PAX1: variants seen among roughly 807,000 people sequenced by gnomAD.
PAX1 encodes paired box protein Pax-1.
Under a neutral mutation model 35.6 loss-of-function variants are expected in PAX1, and 18 were observed. The observed-to-expected ratio is 0.50, with a 90% CI of 0.35 to 0.75. PAX1 has a LOEUF of 0.75. Ranked by LOEUF, PAX1 falls within the 30% of genes least tolerant of loss-of-function variation. PAX1 has a pLI of 0.01. For missense variants in PAX1, 760 were observed against 661.5 expected, an observed-to-expected ratio of 1.15 and a Z score of -1.63; for synonymous variants, 397 against 305.2, an observed-to-expected ratio of 1.30 and a Z score of -3.14.
intron 4 of PAX1, among the ~76,000 whole-genome samples, chr20:21,713,491 GA>G (rs984539293): frequency 5.3e-5 from 8 of 151,016 alleles, no homozygotes; most frequent in South Asian, 2.1e-4. Context: ...AGCTGCAGGA[GA>G]AAAAAAAATC....
At chr20:21,708,386 A>T in intron 2 of PAX1, 172 bp from the exon 3 acceptor site, 1 of 810,466 alleles carries the variant, frequency 1.2e-6, no homozygotes, top group Non-Finnish European at 2.2e-6. Flanking sequence ...CCTCCGCCCC[A>T]CCCGGAGTGG....
chr20:21,714,535 A>G lies in PAX1; in HGVS notation c.1347A>G (p.Gly449=), dbSNP rs1282934030. 6.3e-7 allele frequency: 1 copy of G among 1,596,596 alleles called. No homozygotes were observed. Among genetic ancestry groups the G allele is most frequent in the Admixed American group, 1.7e-5 (1 of 58,308 alleles). ...CGGACGCCCTCAGTAGCTTACACGGACTGCCCATCCCGGCCTCGACCTCCT... is the reference window on the plus strand; with the variant it reads ...CGGACGCCCTCAGTAGCTTACACGGGCTGCCCATCCCGGCCTCGACCTCCT... ...KAPDALSSLH[G]LPIPASTS Residue 449 remains glycine (G), a synonymous_variant, in exon 5 of 5, where the codon GGA becomes GGG. Coordinates refer to ENST00000613128, the MANE Select transcript of PAX1 (RefSeq NM_001257096.2).
chr20:21,705,705 C>A lies in PAX1; in HGVS notation c.-8C>A. The A allele has an allele frequency of 8.0e-7, 1 of 1,242,830 alleles. No homozygotes were observed. The highest frequency in any genetic ancestry group is 1.0e-6 in the Non-Finnish European group (1 of 985,584). The allele number at this position is 1,242,830 out of a possible 1,614,324, so 77.0% of individuals were successfully genotyped here. A position where few individuals can be genotyped will look rare whatever the true frequency, so the allele number is the denominator to read the frequency against. On this transcript the variant is annotated 5_prime_UTR_variant, in exon 1 of 5. Coordinates refer to ENST00000613128, the MANE Select transcript of PAX1 (RefSeq NM_001257096.2). ...AGCCTCCCGGTCAGACGAATTTCTC[C>A]CAATCGGATGAAGTTCACCCTGGGC... is the stretch of plus-strand genomic sequence containing the variant.
intron 3 of PAX1, 99 bp from the exon 4 acceptor site, chr20:21,709,123 T>TG: frequency 1.1e-6 from 1 of 931,016 alleles, no homozygotes; most frequent in Non-Finnish European, 1.8e-6. Context: ...GCACAGGACG[T>TG]GGGGGAGCGA....
At chr20:21,708,056 G>A (rs1985073577) in intron 2 of PAX1, among the ~76,000 whole-genome samples, 1 of 152,212 alleles carries the variant, frequency 6.6e-6, no homozygotes, top group Admixed American at 6.5e-5. Context: ...ACAAGGGCCC[G>A]GGGAGCAGCT....
intron 2 of PAX1, among the ~76,000 whole-genome samples, chr20:21,707,769 G>A (rs1273020029): frequency 6.6e-6 from 1 of 152,148 alleles, no homozygotes; most frequent in East Asian, 1.9e-4. Flanking sequence ...GCCAGCAGCT[G>A]GCCAGGGGAT....
chr20:21,707,914 C>T (rs1383087327), intron 2 of PAX1, among the ~76,000 whole-genome samples: 1 of 152,198 alleles, frequency 6.6e-6, no homozygotes, highest in African/African-American at 2.4e-5. Flanking sequence ...TGTGGCCCTG[C>T]TCTGGCTTTG....
chr20:21,707,195 G>A (rs1985048087), intron 2 of PAX1, 128 bp downstream of exon 2: 4 of 1,139,730 alleles, frequency 3.5e-6, no homozygotes, highest in Non-Finnish European at 5.1e-6. Flanking sequence ...GCTCCACACT[G>A]GCCAGGGAGG....
At position 21,714,903 on chromosome 20, in the gene PAX1, G is replaced by T. The variant is rs556052868; in HGVS notation, c.*341G>T. The T allele has an allele frequency of 7.9e-5, 73 of 928,742 alleles. No individual in the cohort carries two copies. The South Asian group carries it at 9.9e-4, about 13-fold the overall frequency. The allele number at this position is 928,742 out of a possible 1,614,324, so 57.5% of individuals were successfully genotyped here. A position where few individuals can be genotyped will look rare whatever the true frequency, so the allele number is the denominator to read the frequency against. ...TCACTCCCTTGTCCGTCTCCGTCTCGCCTCTCTCCCTGTTTCCTTCCCCCC... is the reference window on the plus strand; with the variant it reads ...TCACTCCCTTGTCCGTCTCCGTCTCTCCTCTCTCCCTGTTTCCTTCCCCCC... On this transcript the variant is annotated 3_prime_UTR_variant, in exon 5 of 5. Coordinates refer to ENST00000613128, the MANE Select transcript of PAX1 (RefSeq NM_001257096.2).
rs748281816 is a variant in PAX1, at chr20:21,705,878, C to T, written c.166C>T (p.Leu56Phe). The T allele has an allele frequency of 1.4e-6, 2 of 1,396,770 alleles. No homozygotes were observed. Among genetic ancestry groups the T allele is most frequent in the South Asian group, 3.0e-5 (2 of 65,920 alleles). The allele number at this position is 1,396,770 out of a possible 1,614,324, so 86.5% of individuals were successfully genotyped here. Residue 56 changes from leucine to phenylalanine, a missense_variant, in exon 1 of 5, where the codon CTC becomes TTC. Coordinates refer to ENST00000613128, the MANE Select transcript of PAX1 (RefSeq NM_001257096.2). The part of the protein sequence containing the change: ...GRRGSRLSGA[L>F]PLCLSRGGGG... ...CCGCGGCTCTCGGCTCTCGGGCGCC[C>T]TCCCTCTATGCCTCTCACGCGGCGG...
At position 21,707,028 on chromosome 20, in the gene PAX1, A is replaced by T. The variant is rs1350830008; in HGVS notation, c.877A>T (p.Ser293Cys). The change falls in exon 2 of 5, where the codon AGC (serine) becomes TGC (cysteine). Residue 293 changes from serine to cysteine, a missense_variant. Coordinates refer to ENST00000613128, the MANE Select transcript of PAX1 (RefSeq NM_001257096.2). ...CTCATGGCCCTCGGCACACTCGGTC[A>T]GCAACATCCTGGGCATCCGGACGTT... ...PRSWPSAHSV[S>C]NILGIRTFME... 2.5e-6 allele frequency: 4 copies of T among 1,612,958 alleles called. No homozygotes were observed. The highest frequency in any genetic ancestry group is 3.4e-6 in the Non-Finnish European group (4 of 1,180,014).
intron 3 of PAX1, 49 bp downstream of exon 3, chr20:21,708,749 G>A (rs1357794091): frequency 2.5e-6 from 4 of 1,590,490 alleles, no homozygotes; most frequent in Admixed American, 1.7e-5. Flanking sequence ...GAAGCAGAAG[G>A]TTTGGGCAAG....
chr20:21,709,308 G>T lies in PAX1; in HGVS notation c.1146G>T (p.Pro382=). 3 of 1,602,016 alleles carry T rather than the reference G, an allele frequency of 1.9e-6. No individual in the cohort carries two copies. Among genetic ancestry groups the T allele is most frequent in the Non-Finnish European group, 8.5e-7 (1 of 1,178,676 alleles). ...ASNQHGVYSA[P]GGGYLAPGPP... is the part of the protein sequence containing the mutation. Reference sequence around the variant, plus strand: ...ACCAGCACGGCGTGTACAGCGCCCCGGGCGGCGGCTACCTCGCCCCGGGCC... The same window carrying T: ...ACCAGCACGGCGTGTACAGCGCCCCTGGCGGCGGCTACCTCGCCCCGGGCC... Residue 382 remains proline, a synonymous_variant, in exon 4 of 5, where the codon CCG becomes CCT. Transcript: ENST00000613128.
intron 2 of PAX1, 57 bp downstream of exon 2, chr20:21,707,124 G>A (rs1985044934): frequency 1.9e-6 from 3 of 1,605,342 alleles, no homozygotes; most frequent in Non-Finnish European, 1.7e-6. Flanking sequence ...GGGGCGGGCA[G>A]GCTTGCAGGA....
Position 21,713,378 on chromosome 20 carries a change from T to TGTGTGTGTGTGTGTG in PAX1, c.1283-1093_1283-1092insGTGTGTGTGTGTGTG, listed in dbSNP as rs770998874. 2.7e-3 allele frequency among the ~76,000 whole-genome samples: 372 copies of TGTGTGTGTGTGTGTG among 138,044 alleles called. 1 individual carries two copies. The highest frequency in any genetic ancestry group is 9.9e-3 in the African/African-American group (357 of 36,034). 90.6% of individuals were successfully genotyped at this position (138,044 alleles called of 152,430 possible). A position where few individuals can be genotyped will look rare whatever the true frequency, so the allele number is the denominator to read the frequency against. On this transcript the variant is annotated intron_variant, in intron 4 of 4. Coordinates refer to ENST00000613128, the MANE Select transcript of PAX1 (RefSeq NM_001257096.2). The stretch of plus-strand genomic sequence containing the variant: ...TCAACGAAACCGTGTGTTTTCTTTT[T>TGTGTGTGTGTGTGTG]TTTTTGTGTGTGTGTGTGTGTGTGT...
At position 21,714,766 on chromosome 20, in the gene PAX1, G is replaced by A. The variant is rs748872583; in HGVS notation, c.*204G>A. 42 of 1,601,414 alleles carry A rather than the reference G, an allele frequency of 2.6e-5. No homozygotes were observed. The highest frequency in any genetic ancestry group is 2.0e-4 in the East Asian group (9 of 44,840). On this transcript the variant is annotated 3_prime_UTR_variant, in exon 5 of 5. Coordinates refer to ENST00000613128, the MANE Select transcript of PAX1 (RefSeq NM_001257096.2). ...CCGGACCCACCACACTTCCTTTATTGGTCTGGGTTTTTAGGCTTCTCTGAA... is the reference window on the plus strand; with the variant it reads ...CCGGACCCACCACACTTCCTTTATTAGTCTGGGTTTTTAGGCTTCTCTGAA...
chr20:21,716,721 G>A lies in PAX1; in HGVS notation c.*2159G>A, dbSNP rs1194585500. 1 of 152,010 alleles carries A rather than the reference G, an allele frequency of 6.6e-6. No individual in the cohort carries two copies. Among genetic ancestry groups the A allele is most frequent in the Non-Finnish European group, 1.5e-5 (1 of 67,998 alleles). The allele number at this position is 152,010 out of a possible 1,614,324, so 9.4% of individuals were successfully genotyped here. A position where few individuals can be genotyped will look rare whatever the true frequency, so the allele number is the denominator to read the frequency against. ...CCATGGCAGCATATCCTGTAGAAGA[G>A]CTTGTCATACTGATAATAGGAAAAA... On this transcript the variant is annotated 3_prime_UTR_variant, in exon 5 of 5. Coordinates refer to ENST00000613128, the MANE Select transcript of PAX1 (RefSeq NM_001257096.2).
chr20:21,710,792 G>GAC (rs2122142756), intron 4 of PAX1, among the ~76,000 whole-genome samples: 1 of 152,312 alleles, frequency 6.6e-6, no homozygotes, highest in South Asian at 2.1e-4. Context: ...CTAGAGCACA[G>GAC]ACATCCTGGG....
In PAX1 at chr20:21,706,035, G is replaced by A; in HGVS notation, c.286+37G>A. On this transcript the variant is annotated intron_variant, in intron 1 of 4. Coordinates refer to ENST00000613128, the MANE Select transcript of PAX1 (RefSeq NM_001257096.2). The surrounding 1 kb of genome is among the most constrained non-coding windows in gnomAD (Gnocchi z 5.3). ...GCGACAGGCAGGGCTCGGGAGGGCT[G>A]ATGAGGTGGGTCGGGTCCGCCTGCC... The A allele has an allele frequency of 6.9e-7, 1 of 1,440,698 alleles. No homozygotes were observed. Among genetic ancestry groups the A allele is most frequent in the African/African-American group, 1.4e-5 (1 of 70,236 alleles). 89.2% of individuals were successfully genotyped at this position (1,440,698 alleles called of 1,614,324 possible).
Sources: allele counts gnomAD v4.1 joint callset (sites outside exome capture counted in the v4.1 genomes callset), GRCh38; gene constraint gnomAD v4.1.1; non-coding constraint Gnocchi (gnomAD v3.1); transcripts MANE v1.5; gene names NCBI Gene and HGNC (gene_info 2026-07-23, HGNC 2026-07-21).